The following ST3GAL3 variants were observed in gnomAD, a reference collection of about 807,000 sequenced individuals.
ST3GAL3 encodes CMP-N-acetylneuraminate-beta-1,4-galactoside alpha-2,3-sialyltransferase.
In ST3GAL3, 21 loss-of-function variants were observed where a neutral mutation model predicts 50.1. That is an observed-to-expected ratio of 0.42 (90% CI 0.30 to 0.60). The LOEUF (loss-of-function observed/expected upper bound fraction) is 0.60, where lower values mean the gene tolerates loss of function less well. Ranked by LOEUF, ST3GAL3 falls within the 20% of genes least tolerant of loss-of-function variation. ST3GAL3 has a pLI of 0.19. For missense variants in ST3GAL3, 353 were observed against 489.4 expected (o/e 0.72, Z 2.63); for synonymous variants, 183 against 190.0 (o/e 0.96, Z 0.30).
chr1:43,736,206 T>A (rs931281160), intron 1 of ST3GAL3, 27 bp from the exon 2 acceptor site: 33 of 1,601,384 alleles, frequency 2.1e-5, no homozygotes, highest in Non-Finnish European at 2.8e-5. Context: ...GCTTTGTCTT[T>A]TAAGAACTAA....
chr1:43,846,555 C>T (rs574004943), intron 5 of ST3GAL3, among the ~76,000 whole-genome samples: 16 of 152,178 alleles, frequency 1.1e-4, no homozygotes, highest in African/African-American at 1.4e-4. Flanking sequence ...AGCTGTCCCA[C>T]GGGTGGTTGG....
chr1:43,904,396 A>G (rs1163019005), intron 9 of ST3GAL3, among the ~76,000 whole-genome samples: 1 of 151,758 alleles, frequency 6.6e-6, no homozygotes, highest in Non-Finnish European at 1.5e-5. Flanking sequence ...CACCCAGCCC[A>G]GGCTTCTCAC....
At chr1:43,877,841 C>T (rs2074391208) in intron 5 of ST3GAL3, among the ~76,000 whole-genome samples, 1 of 152,232 alleles carries the variant, frequency 6.6e-6, no homozygotes, top group African/African-American at 2.4e-5. Flanking sequence ...GGTCTCATCT[C>T]ACAGAACAGC....
At chr1:43,708,295 C>T (rs1048733980) in intron 1 of ST3GAL3, among the ~76,000 whole-genome samples, 2 of 152,156 alleles carry the variant, frequency 1.3e-5, no homozygotes, top group African/African-American at 4.8e-5. Flanking sequence ...CTTTTTACAA[C>T]AATGTCCATT....
Position 43,814,894 on chromosome 1 carries a change from A to C in ST3GAL3, c.170A>C (p.Tyr57Ser). ...DSAGQTLGSEYDRLGFLLNLD... is the reference protein window; with the variant it reads ...DSAGQTLGSESDRLGFLLNLD... ...ATTTTCTGCTTTTCTTTTTCAGAGTATGATCGGTTGGGCTTCCTCCTGAAT... is the reference window on the plus strand; with the variant it reads ...ATTTTCTGCTTTTCTTTTTCAGAGTCTGATCGGTTGGGCTTCCTCCTGAAT... Residue 57 changes from tyrosine (Y) to serine (S), a missense_variant, in exon 4 of 12, where the codon TAT becomes TCT. Tyr to Ser is a moderately radical substitution (Grantham distance 144, BLOSUM62 -2). Coordinates refer to ENST00000347631, the MANE Select transcript of ST3GAL3 (RefSeq NM_006279.5). 6.2e-7 allele frequency: 1 copy of C among 1,614,102 alleles called. No homozygotes were observed. The highest frequency in any genetic ancestry group is 8.5e-7 in the Non-Finnish European group (1 of 1,180,012).
At chr1:43,712,805 C>T (rs548335614) in intron 1 of ST3GAL3, among the ~76,000 whole-genome samples, 2 of 152,290 alleles carry the variant, frequency 1.3e-5, no homozygotes, top group Admixed American at 6.5e-5. Flanking sequence ...ATCCTAAAGA[C>T]ACTGGTGTGG....
intron 5 of ST3GAL3, among the ~76,000 whole-genome samples, chr1:43,893,532 A>ACTTCC (rs2076944507): frequency 6.6e-6 from 1 of 150,574 alleles, no homozygotes; most frequent in East Asian, 2.0e-4. Flanking sequence ...CCTCTTCCTC[A>ACTTCC]CTTCCCTTCC....
At chr1:43,788,947 T>C (rs2057699554) in intron 2 of ST3GAL3, among the ~76,000 whole-genome samples, 1 of 151,948 alleles carries the variant, frequency 6.6e-6, no homozygotes, top group Admixed American at 6.6e-5. Context: ...GAGGTTTTTT[T>C]TTTTTTTAAT....
chr1:43,855,120 A>G (rs1337140464), intron 5 of ST3GAL3, among the ~76,000 whole-genome samples: 1 of 152,208 alleles, frequency 6.6e-6, no homozygotes, highest in Non-Finnish European at 1.5e-5. Flanking sequence ...TAAGTTACAT[A>G]AAACCTCTCC....
chr1:43,753,928 A>G (rs1687096352), intron 2 of ST3GAL3, among the ~76,000 whole-genome samples: 1 of 151,906 alleles, frequency 6.6e-6, no homozygotes, highest in South Asian at 2.1e-4. Flanking sequence ...GCCTTGGTCT[A>G]CTCTCAGGTA....
chr1:43,713,122 TAGAATGAGGTA>T (rs1346041094), intron 1 of ST3GAL3, among the ~76,000 whole-genome samples: 4 of 152,134 alleles, frequency 2.6e-5, no homozygotes, highest in African/African-American at 9.7e-5. Flanking sequence ...GGATGAAGGT[TAGAATGAGGTA>T]AGACTGGACG....
At chr1:43,924,281 G>A (rs773138233) in intron 11 of ST3GAL3, among the ~76,000 whole-genome samples, 1 of 152,190 alleles carries the variant, frequency 6.6e-6, no homozygotes, top group South Asian at 2.1e-4. Flanking sequence ...TCCCTGCCAT[G>A]CTTCACGTGC....
intron 2 of ST3GAL3, among the ~76,000 whole-genome samples, chr1:43,751,738 A>T (rs914357368): frequency 6.6e-6 from 1 of 152,172 alleles, no homozygotes; most frequent in South Asian, 2.1e-4. Flanking sequence ...GGTCTTTGGG[A>T]TAGAAAGATG....
intron 2 of ST3GAL3, among the ~76,000 whole-genome samples, chr1:43,790,939 A>C (rs1266575797): frequency 6.6e-6 from 1 of 152,020 alleles, no homozygotes; most frequent in Non-Finnish European, 1.5e-5. Context: ...CCCGGCCGGC[A>C]TCTCTTTTTC....
intron 5 of ST3GAL3, chr1:43,842,247 C>T (rs183222879): frequency 6.6e-6 from 1 of 152,292 alleles, no homozygotes; most frequent in East Asian, 1.9e-4. Context: ...CAAACTCTTC[C>T]AACCTCTATC....
At chr1:43,761,651 TAAAA>T (rs1013062592) in intron 2 of ST3GAL3, among the ~76,000 whole-genome samples, 1 of 151,502 alleles carries the variant, frequency 6.6e-6, no homozygotes, top group Non-Finnish European at 1.5e-5. Flanking sequence ...AAACTTTCAT[TAAAA>T]AAAAGTCAGG....
intron 4 of ST3GAL3, among the ~76,000 whole-genome samples, chr1:43,817,395 CCTTTTTCTCCTT>C (rs1558434088): frequency 3.3e-4 from 7 of 21,468 alleles, no homozygotes; most frequent in African/African-American, 2.2e-3. Context: ...TTCTTCTCCT[CCTTTTTCTCCTT>C]CTTCTCCTCC....
At chr1:43,815,082 G>A (rs1386575729) in intron 4 of ST3GAL3, 149 bp downstream of exon 4, 5 of 831,090 alleles carry the variant, frequency 6.0e-6, no homozygotes, top group Non-Finnish European at 8.3e-6. Context: ...GAATCTTGGG[G>A]CATGTTACAG....
At chr1:43,754,636 A>G (rs1687384076) in intron 2 of ST3GAL3, among the ~76,000 whole-genome samples, 1 of 152,206 alleles carries the variant, frequency 6.6e-6, no homozygotes. Flanking sequence ...CAGACTAAAG[A>G]TTTAAATGAG....
Sources: gnomAD v4.1 joint callset for allele counts (sites outside exome capture counted in the v4.1 genomes callset) on GRCh38, gnomAD v4.1.1 for gene constraint, MANE v1.5 for transcripts, NCBI Gene and HGNC (gene_info 2026-07-23, HGNC 2026-07-21) for gene names.